PIEZO1: variants seen among roughly 807,000 people sequenced by gnomAD.
The protein encoded by PIEZO1 is piezo type mechanosensitive ion channel component 1 (Er blood group), also known as piezo-type mechanosensitive ion channel component 1.
In PIEZO1, 296 loss-of-function variants were observed where a neutral mutation model predicts 297.2. That is an observed-to-expected ratio of 1.00 (90% CI 0.91 to 1.10). The LOEUF (loss-of-function observed/expected upper bound fraction) is 1.10, where lower values mean the gene tolerates loss of function less well. Ranked by LOEUF, PIEZO1 falls within the 50% of genes least tolerant of loss-of-function variation. The probability of loss-of-function intolerance (pLI) is 0.00; values close to 1 mark genes in which losing one functional copy is unlikely to be tolerated. For synonymous variants in PIEZO1, 2,427 were observed against 1,507.5 expected (o/e 1.61, Z -14.13); for missense variants, 5,018 against 3,455.5 (o/e 1.45, Z -11.34).
At chr16:88,759,969 G>A (rs971108349) in intron 1 of PIEZO1, among the ~76,000 whole-genome samples, 3 of 151,978 alleles carry the variant, frequency 2.0e-5, no homozygotes, top group South Asian at 2.1e-4. Context: ...CCTGGCATCC[G>A]GGCCTGCTCC....
intron 1 of PIEZO1, among the ~76,000 whole-genome samples, chr16:88,783,272 G>A (rs1431692060): frequency 6.6e-6 from 1 of 152,180 alleles, no homozygotes; most frequent in African/African-American, 2.4e-5. Flanking sequence ...ACAGAATCGG[G>A]CTCAACACCT....
intron 1 of PIEZO1, among the ~76,000 whole-genome samples, chr16:88,777,927 C>G (rs1473712771): frequency 6.6e-6 from 1 of 152,256 alleles, no homozygotes; most frequent in Non-Finnish European, 1.5e-5. Context: ...TTTGACGCCC[C>G]TCCTGGGCAG....
rs1192359894 is a variant in PIEZO1 at position 88,715,503 on chromosome 16, C to T, written c.*102G>A. ...GGGAGGATGCATCACAGCTGGCGGC[C>T]TTGGACGGGGCAGTGGCTCCCCCGG... On this transcript the variant is annotated 3_prime_UTR_variant, in exon 51 of 51. Coordinates refer to ENST00000301015, the MANE Select transcript of PIEZO1 (RefSeq NM_001142864.4). 6 of 1,264,204 alleles carry T rather than the reference C, an allele frequency of 4.7e-6. No homozygotes were observed. Among genetic ancestry groups the T allele is most frequent in the Non-Finnish European group, 6.5e-6 (6 of 916,562 alleles). The allele number at this position is 1,264,204 out of a possible 1,614,324, so 78.3% of individuals were successfully genotyped here.
chr16:88,733,663 C>T lies in PIEZO1; in HGVS notation c.2412G>A (p.Val804=). 1 of 1,549,880 alleles carries T rather than the reference C, an allele frequency of 6.5e-7. No individual in the cohort carries two copies. The highest frequency in any genetic ancestry group is 8.7e-7 in the Non-Finnish European group (1 of 1,146,656). ...GAAGCTCCAGCAGCCGCCGCAGGAA[C>T]ACCTGCACGCGTGAGAGGACGTCCG... ...GFSDVLSRVQ[V]FLRRLLELHV... The change falls in exon 18 of 51, where the codon GTG becomes GTA. Residue 804 remains valine (V), a synonymous_variant. Coordinates refer to ENST00000301015, the MANE Select transcript of PIEZO1 (RefSeq NM_001142864.4).
chr16:88,737,374 A>G (rs1001941524), intron 10 of PIEZO1, 185 bp downstream of exon 10: 53 of 563,056 alleles, frequency 9.4e-5, no homozygotes, highest in Admixed American at 3.6e-4. Context: ...TGACATGGCC[A>G]CTCGGCTGCC....
chr16:88,735,977 C>T (rs537150358), intron 12 of PIEZO1, among the ~76,000 whole-genome samples, 171 bp downstream of exon 12: 48 of 152,354 alleles, frequency 3.2e-4, no homozygotes, highest in African/African-American at 4.3e-4. Context: ...AGTCAACAAA[C>T]GCTCACTGAG....
intron 22 of PIEZO1, 74 bp downstream of exon 22, chr16:88,731,632 G>T: frequency 1.7e-6 from 2 of 1,175,480 alleles, no homozygotes; most frequent in Non-Finnish European, 2.4e-6. Context: ...GGAGTCTGGG[G>T]CAGGCGGGAA....
At chr16:88,724,663 C>T (rs1285744711) in intron 30 of PIEZO1, among the ~76,000 whole-genome samples, 1 of 152,152 alleles carries the variant, frequency 6.6e-6, no homozygotes, top group African/African-American at 2.4e-5. Flanking sequence ...CACTGCACTC[C>T]AGCCTGCAGT....
At position 88,733,654 on chromosome 16, in the gene PIEZO1, C is replaced by T; in HGVS notation, c.2421G>A (p.Arg807=). ...DVLSRVQVFL[R]RLLELHVFKL... Reference sequence around the variant, plus strand: ...TGAAAACGTGAAGCTCCAGCAGCCGCCGCAGGAACACCTGCACGCGTGAGA... The same window carrying T: ...TGAAAACGTGAAGCTCCAGCAGCCGTCGCAGGAACACCTGCACGCGTGAGA... Residue 807 remains arginine, a synonymous_variant, in exon 18 of 51, where the codon CGG becomes CGA. Coordinates refer to ENST00000301015, the MANE Select transcript of PIEZO1 (RefSeq NM_001142864.4). The T allele has an allele frequency of 6.5e-7, 1 of 1,549,854 alleles. No individual in the cohort carries two copies. The highest frequency in any genetic ancestry group is 8.7e-7 in the Non-Finnish European group (1 of 1,146,598).
At chr16:88,735,489 TCA>T (rs1158306400) in intron 12 of PIEZO1, among the ~76,000 whole-genome samples, 5 of 152,304 alleles carry the variant, frequency 3.3e-5, no homozygotes, top group East Asian at 3.9e-4. Context: ...ACACGCAGAG[TCA>T]CACACGGGTT....
intron 1 of PIEZO1, among the ~76,000 whole-genome samples, chr16:88,759,812 G>T (rs1008859515): frequency 5.9e-5 from 9 of 152,192 alleles, no homozygotes; most frequent in African/African-American, 2.2e-4. Context: ...GTCTATGGAG[G>T]TTCACACGGG....
chr16:88,751,185 C>T (rs560736928), intron 1 of PIEZO1, among the ~76,000 whole-genome samples: 1 of 152,188 alleles, frequency 6.6e-6, no homozygotes. Flanking sequence ...TCACCCTAGA[C>T]CAGGGGCACG....
chr16:88,761,640 T>A (rs2142885701), intron 1 of PIEZO1, among the ~76,000 whole-genome samples: 1 of 152,210 alleles, frequency 6.6e-6, no homozygotes, highest in East Asian at 1.9e-4. Flanking sequence ...ACCCCCAGCA[T>A]GGCAGGAGAC....
intron 2 of PIEZO1, among the ~76,000 whole-genome samples, chr16:88,744,620 G>A (rs1905918529): frequency 6.7e-6 from 1 of 150,224 alleles, no homozygotes; most frequent in African/African-American, 2.4e-5. Flanking sequence ...GCTACATCTC[G>A]GATGTCACTG....
intron 19 of PIEZO1, 158 bp downstream of exon 19, chr16:88,733,120 G>A: frequency 3.0e-6 from 2 of 673,556 alleles, no homozygotes; most frequent in Admixed American, 2.8e-5. Flanking sequence ...GAGGTCGAAG[G>A]ATGCTGCCTC....
intron 1 of PIEZO1, among the ~76,000 whole-genome samples, chr16:88,782,538 A>G (rs568323077): frequency 6.6e-6 from 1 of 152,276 alleles, no homozygotes; most frequent in South Asian, 2.1e-4. Flanking sequence ...ATTTTTGGGT[A>G]ATGATCCTGC....
intron 10 of PIEZO1, chr16:88,737,030 C>G (rs1422008059): frequency 6.1e-6 from 2 of 329,746 alleles, no homozygotes; most frequent in Non-Finnish European, 1.1e-5. Context: ...TCAGGACCCC[C>G]ACCCCAGGGC....
intron 10 of PIEZO1, 93 bp downstream of exon 10, chr16:88,737,466 G>A (rs935987717): frequency 6.0e-6 from 5 of 828,928 alleles, no homozygotes; most frequent in African/African-American, 1.7e-5. Context: ...TGCGGCGCGA[G>A]CATGCGAGAG....
intron 21 of PIEZO1, 129 bp downstream of exon 21, chr16:88,732,206 G>A (rs1904897562): frequency 6.6e-6 from 5 of 754,978 alleles, no homozygotes; most frequent in Middle Eastern, 2.8e-4. Flanking sequence ...GCCTGGCCCT[G>A]AGTCCCCCAC....
Sources: gnomAD v4.1 joint callset for allele counts (sites outside exome capture counted in the v4.1 genomes callset) on GRCh38, gnomAD v4.1.1 for gene constraint, MANE v1.5 for transcripts, NCBI Gene and HGNC (gene_info 2026-07-23, HGNC 2026-07-21) for gene names.